Variants in SNX6 observed in about 807,000 individuals in gnomAD.
SNX6 encodes the protein sorting nexin-6.
In SNX6, 34 loss-of-function variants were observed where a neutral mutation model predicts 63.0. The observed-to-expected ratio is 0.54, with a 90% confidence interval of 0.41 to 0.72. The LOEUF (loss-of-function observed/expected upper bound fraction) is 0.72. Among genes scored for constraint, SNX6 ranks in the 30% least tolerant of loss-of-function variants. The pLI is 0.00. For missense variants in SNX6, 398 were observed against 471.4 expected, an observed-to-expected ratio of 0.84 and a Z score of 1.44; for synonymous variants, 170 against 164.2, an observed-to-expected ratio of 1.04 and a Z score of -0.27.
chr14:34,609,812 A>G (rs1416051627), intron 2 of SNX6, 70 bp from the exon 3 acceptor site: 1 of 1,057,672 alleles, frequency 9.5e-7, no homozygotes, highest in East Asian at 2.5e-5. Flanking sequence ...TCTTAAGACA[A>G]TGCAAAAACA....
chr14:34,579,327 G>T (rs1881845129), intron 10 of SNX6, among the ~76,000 whole-genome samples: 1 of 151,976 alleles, frequency 6.6e-6, no homozygotes, highest in Non-Finnish European at 1.5e-5. Context: ...ACCGCAAGAA[G>T]AATAAAGGAA....
chr14:34,617,828 G>A (rs571901830), intron 2 of SNX6, among the ~76,000 whole-genome samples: 3 of 151,410 alleles, frequency 2.0e-5, no homozygotes, highest in Non-Finnish European at 4.4e-5. Flanking sequence ...GGCTGAGGCA[G>A]CAGAATCACT....
At chr14:34,579,890 A>G (rs569896582) in intron 10 of SNX6, among the ~76,000 whole-genome samples, 1 of 152,158 alleles carries the variant, frequency 6.6e-6, no homozygotes, top group South Asian at 2.1e-4. Flanking sequence ...ATATAAAAAT[A>G]AAAAAGGGGC....
intron 13 of SNX6, among the ~76,000 whole-genome samples, chr14:34,566,101 T>C (rs1039336042): frequency 3.3e-5 from 5 of 151,930 alleles, no homozygotes; most frequent in Non-Finnish European, 7.4e-5. Flanking sequence ...CAGCCTCTCT[T>C]TAAAAAAAAA....
At chr14:34,565,907 C>T (rs1038515116) in intron 13 of SNX6, among the ~76,000 whole-genome samples, 3 of 150,512 alleles carry the variant, frequency 2.0e-5, no homozygotes, top group Non-Finnish European at 4.4e-5. Flanking sequence ...GCCAGGATGG[C>T]CTCGATCTCC....
At chr14:34,563,205 A>G in intron 13 of SNX6, 30 bp from the exon 14 acceptor site, 1 of 1,593,644 alleles carries the variant, frequency 6.3e-7, no homozygotes, top group South Asian at 1.1e-5. Context: ...TAAATTACAA[A>G]TTTTATTTCA....
intron 10 of SNX6, among the ~76,000 whole-genome samples, chr14:34,577,073 A>C (rs1474229153): frequency 1.3e-5 from 2 of 151,834 alleles, no homozygotes; most frequent in Admixed American, 6.6e-5. Flanking sequence ...CAAAACAAAA[A>C]AAAACTTTCT....
At chr14:34,570,278 C>T (rs1881385980) in intron 11 of SNX6, among the ~76,000 whole-genome samples, 1 of 151,762 alleles carries the variant, frequency 6.6e-6, no homozygotes. Flanking sequence ...CATGGTCATG[C>T]TGGTCTTGAA....
intron 6 of SNX6, among the ~76,000 whole-genome samples, chr14:34,601,815 G>A (rs1174652870): frequency 1.3e-5 from 2 of 148,948 alleles, no homozygotes; most frequent in East Asian, 2.1e-4. Context: ...GGCTCGTCTC[G>A]AACTCCTGAC....
At chr14:34,578,373 T>C (rs1173009715) in intron 10 of SNX6, among the ~76,000 whole-genome samples, 3 of 152,030 alleles carry the variant, frequency 2.0e-5, no homozygotes, top group Non-Finnish European at 4.4e-5. Flanking sequence ...GGCTCATGCC[T>C]GTAATCCTAG....
At chr14:34,602,863 C>G (rs1241022572) in intron 6 of SNX6, among the ~76,000 whole-genome samples, 1 of 150,924 alleles carries the variant, frequency 6.6e-6, no homozygotes, top group Non-Finnish European at 1.5e-5. Context: ...GTAGTCCCAG[C>G]TACTCGGGAG....
intron 11 of SNX6, among the ~76,000 whole-genome samples, chr14:34,573,987 G>A (rs1033047760): frequency 6.6e-6 from 1 of 151,746 alleles, no homozygotes; most frequent in Non-Finnish European, 1.5e-5. Context: ...ATAAAAAAGC[G>A]TATTTTTGTT....
chr14:34,605,452 G>T, intron 5 of SNX6, 144 bp downstream of exon 5: 1 of 599,166 alleles, frequency 1.7e-6, no homozygotes, highest in Non-Finnish European at 2.8e-6. Flanking sequence ...ATTAATACTG[G>T]TTGTATGACT....
In SNX6 at chr14:34,597,536, A is replaced by C. The variant is rs377075714; in HGVS notation, c.612+14T>G. 1.4e-4 allele frequency: 204 copies of C among 1,462,708 alleles called. No homozygotes were observed. The African/African-American group carries it at 2.6e-3, about 18-fold the overall frequency. 90.6% of individuals were successfully genotyped at this position (1,462,708 alleles called of 1,614,324 possible). On this transcript the variant is annotated intron_variant, in intron 7 of 13. Coordinates refer to ENST00000362031, the MANE Select transcript of SNX6 (RefSeq NM_152233.4). The stretch of plus-strand genomic sequence containing the variant: ...GTCTCAACTAATACCACAGTTAATC[A>C]AATAAAATCTTACCTTTACTCCTGA...
chr14:34,610,373 A>G (rs1217236369), intron 2 of SNX6, among the ~76,000 whole-genome samples: 1 of 129,878 alleles, frequency 7.7e-6, no homozygotes, highest in Admixed American at 7.9e-5. Flanking sequence ...AAAAAAAAAA[A>G]CTTCTTCCAA....
At chr14:34,607,554 G>C (rs925984105) in intron 4 of SNX6, among the ~76,000 whole-genome samples, 1 of 152,124 alleles carries the variant, frequency 6.6e-6, no homozygotes, top group Non-Finnish European at 1.5e-5. Flanking sequence ...AGGTTACAGT[G>C]AACAAAGATC....
chr14:34,607,957 C>T (rs925205986), intron 4 of SNX6, 73 bp downstream of exon 4: 9 of 755,190 alleles, frequency 1.2e-5, no homozygotes, highest in Admixed American at 8.6e-5. Flanking sequence ...AAATGCTAAA[C>T]AAGATTCCAA....
intron 11 of SNX6, among the ~76,000 whole-genome samples, chr14:34,571,759 G>A (rs1372585227): frequency 6.6e-6 from 1 of 152,102 alleles, no homozygotes; most frequent in African/African-American, 2.4e-5. Context: ...ATAACAATGT[G>A]TTTATCTCAT....
At chr14:34,570,601 T>G (rs1881402456) in intron 11 of SNX6, among the ~76,000 whole-genome samples, 1 of 151,806 alleles carries the variant, frequency 6.6e-6, no homozygotes, top group Non-Finnish European at 1.5e-5. Context: ...TTTTGTATTG[T>G]TAGTAGAGAC....
Sources: gnomAD v4.1 joint callset for allele counts (sites outside exome capture counted in the v4.1 genomes callset) on GRCh38, gnomAD v4.1.1 for gene constraint, MANE v1.5 for transcripts, NCBI Gene and HGNC (gene_info 2026-07-23, HGNC 2026-07-21) for gene names.